The following CHCHD6 variants were observed in gnomAD, a reference collection of about 807,000 sequenced individuals.
The protein encoded by CHCHD6 is MICOS complex subunit MIC25.
In CHCHD6, 28 loss-of-function variants were observed where a neutral mutation model predicts 32.3. The ratio of observed to expected loss-of-function variants is 0.87; its 90% confidence interval spans 0.64 to 1.19. CHCHD6 has a LOEUF of 1.19. Among genes scored for constraint, CHCHD6 ranks in the 50% most tolerant of loss-of-function variants. The pLI is 0.00. For synonymous variants in CHCHD6, 122 were observed against 117.5 expected (o/e 1.04, Z -0.25); for missense variants, 333 against 307.0 (o/e 1.08, Z -0.63).
intron 5 of CHCHD6, among the ~76,000 whole-genome samples, chr3:126,863,281 A>T (rs1424058776): frequency 7.8e-5 from 6 of 76,448 alleles, no homozygotes; most frequent in Admixed American, 1.4e-4. Flanking sequence ...CGCCTCCTCC[A>T]CCATCATCAC....
chr3:126,770,894 T>G (rs947655147), intron 4 of CHCHD6, among the ~76,000 whole-genome samples: 1 of 152,182 alleles, frequency 6.6e-6, no homozygotes, highest in African/African-American at 2.4e-5. Flanking sequence ...ATAGTTTCAG[T>G]AGGAATGGTA....
chr3:126,775,868 C>T (rs1268809191), intron 4 of CHCHD6, among the ~76,000 whole-genome samples: 1 of 152,214 alleles, frequency 6.6e-6, no homozygotes, highest in East Asian at 1.9e-4. Context: ...TTCCTCAGAA[C>T]AAGAAGGGAG....
chr3:126,757,384 A>G (rs1304949503), intron 4 of CHCHD6, among the ~76,000 whole-genome samples: 1 of 152,186 alleles, frequency 6.6e-6, no homozygotes, highest in African/African-American at 2.4e-5. Flanking sequence ...TAACAACACT[A>G]AAGCAGTGAT....
At chr3:126,719,435 T>G (rs1935173473) in intron 1 of CHCHD6, among the ~76,000 whole-genome samples, 1 of 152,236 alleles carries the variant, frequency 6.6e-6, no homozygotes, top group Non-Finnish European at 1.5e-5. Context: ...GTTTCTTCTT[T>G]CATAGATAGC....
In CHCHD6 at chr3:126,706,417, T is replaced by G. The variant is rs1934490224; in HGVS notation, c.87+2018T>G. On this transcript the variant is annotated intron_variant, in intron 1 of 7. Transcript: ENST00000290913. The stretch of plus-strand genomic sequence containing the variant: ...CTTTTCGGTGCAAAAAGCAACTTTT[T>G]CTCACTTCTGCAATTCCCCCCCATG... 2.0e-5 allele frequency among the ~76,000 whole-genome samples: 3 copies of G among 152,206 alleles called. No homozygotes were observed. The East Asian group carries it at 5.8e-4, about 29-fold the overall frequency.
chr3:126,759,070 T>C (rs1292232330), intron 4 of CHCHD6, among the ~76,000 whole-genome samples: 1 of 152,226 alleles, frequency 6.6e-6, no homozygotes, highest in Non-Finnish European at 1.5e-5. Flanking sequence ...AGTCCAGCCC[T>C]GCGGCCTCCT....
At chr3:126,760,126 C>G (rs1394779880) in intron 4 of CHCHD6, among the ~76,000 whole-genome samples, 1 of 152,172 alleles carries the variant, frequency 6.6e-6, no homozygotes, top group African/African-American at 2.4e-5. Flanking sequence ...GGCCCCACCT[C>G]CAACACTGGG....
intron 4 of CHCHD6, among the ~76,000 whole-genome samples, chr3:126,815,558 T>G (rs942050096): frequency 1.3e-5 from 2 of 152,040 alleles, no homozygotes; most frequent in South Asian, 2.1e-4. Flanking sequence ...CTCTCAACCT[T>G]GCGTTTTCCT....
chr3:126,704,525 G>C (rs959470896), intron 1 of CHCHD6, 126 bp downstream of exon 1: 7 of 556,194 alleles, frequency 1.3e-5, no homozygotes, highest in African/African-American at 2.0e-5. Context: ...AGACTCCGGG[G>C]GCTCAGGCCA....
chr3:126,781,521 G>A (rs1167529588), intron 4 of CHCHD6, among the ~76,000 whole-genome samples: 2 of 152,226 alleles, frequency 1.3e-5, no homozygotes, highest in African/African-American at 4.8e-5. Flanking sequence ...AGACAGAGAT[G>A]CATCTGCTGG....
At chr3:126,880,143 C>T (rs917720023) in intron 5 of CHCHD6, among the ~76,000 whole-genome samples, 1 of 152,048 alleles carries the variant, frequency 6.6e-6, no homozygotes, top group Non-Finnish European at 1.5e-5. Context: ...TGTGATACAC[C>T]TGGGATAAGA....
intron 4 of CHCHD6, among the ~76,000 whole-genome samples, chr3:126,750,839 G>A (rs1186873679): frequency 1.3e-5 from 2 of 152,242 alleles, no homozygotes; most frequent in South Asian, 2.1e-4. Context: ...TGGGCAGGCA[G>A]TTCTCCCATG....
intron 4 of CHCHD6, among the ~76,000 whole-genome samples, chr3:126,814,194 A>G (rs1482339888): frequency 6.6e-6 from 1 of 152,174 alleles, no homozygotes; most frequent in Non-Finnish European, 1.5e-5. Context: ...AGAGGGAAAG[A>G]CACAGTTTAT....
Position 126,914,717 on chromosome 3 carries a change from A to G in CHCHD6, c.533A>G (p.His178Arg), listed in dbSNP as rs1026931997. The G allele has an allele frequency of 1.3e-6, 2 of 1,597,464 alleles. No homozygotes were observed. Among genetic ancestry groups the G allele is most frequent in the African/African-American group, 1.3e-5 (1 of 74,612 alleles). The change falls in exon 6 of 8, where the codon CAT becomes CGT. Residue 178 changes from histidine to arginine, a missense_variant. By Grantham distance (29) the His-to-Arg change is conservative. Transcript: ENST00000290913. ...EMYKLSSEQF[H>R]EAASKMESTI... Reference sequence around the variant, plus strand: ...TATAAACTGTCTTCAGAGCAATTCCATGAGGCAGCCTCAAAGATGGAGAGC... The same window carrying G: ...TATAAACTGTCTTCAGAGCAATTCCGTGAGGCAGCCTCAAAGATGGAGAGC...
At chr3:126,849,907 G>C (rs1941413137) in intron 4 of CHCHD6, among the ~76,000 whole-genome samples, 1 of 152,216 alleles carries the variant, frequency 6.6e-6, no homozygotes, top group Non-Finnish European at 1.5e-5. Flanking sequence ...TGTGCTGCGT[G>C]CTGCGTGGCC....
At chr3:126,719,697 T>A (rs1275852155) in intron 1 of CHCHD6, among the ~76,000 whole-genome samples, 1 of 151,898 alleles carries the variant, frequency 6.6e-6, no homozygotes, top group East Asian at 1.9e-4. Flanking sequence ...GAATGTGAGC[T>A]CCAGAAACTG....
At chr3:126,766,041 G>A (rs1262101312) in intron 4 of CHCHD6, among the ~76,000 whole-genome samples, 2 of 152,046 alleles carry the variant, frequency 1.3e-5, no homozygotes, top group Non-Finnish European at 1.5e-5. Flanking sequence ...ATTAAATGGC[G>A]ATTCCTCTTC....
At chr3:126,918,669 G>GA (rs1259800848) in intron 6 of CHCHD6, among the ~76,000 whole-genome samples, 1 of 152,064 alleles carries the variant, frequency 6.6e-6, no homozygotes, top group Non-Finnish European at 1.5e-5. Context: ...TGAAGGAATT[G>GA]AAAAAAGGCC....
intron 4 of CHCHD6, among the ~76,000 whole-genome samples, chr3:126,822,683 A>G (rs1035094241): frequency 1.3e-5 from 2 of 151,926 alleles, no homozygotes; most frequent in Non-Finnish European, 2.9e-5. Flanking sequence ...GTCTCTGATC[A>G]CTGTGAATTA....
Sources: allele counts gnomAD v4.1 joint callset (sites outside exome capture counted in the v4.1 genomes callset), GRCh38; gene constraint gnomAD v4.1.1; transcripts MANE v1.5; gene names NCBI Gene and HGNC (gene_info 2026-07-23, HGNC 2026-07-21).